Variants in PREP observed in about 807,000 individuals in gnomAD.
PREP encodes prolyl endopeptidase.
A neutral mutation model predicts 87.6 loss-of-function variants in PREP; 29 were observed. The observed-to-expected ratio is 0.33, with a 90% confidence interval of 0.25 to 0.45. The LOEUF is 0.45. Ranked by LOEUF, PREP falls within the 20% of genes least tolerant of loss-of-function variation. The pLI, the probability that PREP is intolerant of heterozygous loss-of-function variation, is 1.00. For synonymous variants in PREP, 337 were observed against 328.6 expected (o/e 1.03, Z -0.28); for missense variants, 695 against 886.5 (o/e 0.78, Z 2.74).
chr6:105,362,553 T>G (rs1043184526), intron 6 of PREP, among the ~76,000 whole-genome samples: 2 of 152,220 alleles, frequency 1.3e-5, no homozygotes, highest in African/African-American at 4.8e-5. Flanking sequence ...AAATCCAACA[T>G]GTCTACTAAA....
chr6:105,308,882 C>T (rs945832909), intron 10 of PREP, among the ~76,000 whole-genome samples: 4 of 151,956 alleles, frequency 2.6e-5, no homozygotes, highest in South Asian at 2.1e-4. Context: ...AATGGAGATA[C>T]GGGTAAGTGA....
chr6:105,281,045 T>G (rs182931852), intron 14 of PREP: 13 of 152,384 alleles, frequency 8.5e-5, no homozygotes, highest in Admixed American at 7.8e-4. Context: ...CTCACAGTTC[T>G]GTAAGCCAGC....
At chr6:105,353,200 A>G in intron 6 of PREP, 123 bp from the exon 7 acceptor site, 1 of 650,120 alleles carries the variant, frequency 1.5e-6, no homozygotes. Context: ...CCCCAAACTC[A>G]TGATCTGATA....
At chr6:105,285,731 G>A (rs1420333098) in intron 11 of PREP, 151 bp from the exon 12 acceptor site, 2 of 626,724 alleles carry the variant, frequency 3.2e-6, no homozygotes, top group African/African-American at 3.7e-5. Context: ...CTTGATTAAA[G>A]TGAAAAACAC....
chr6:105,388,601 A>T (rs1773061828), intron 2 of PREP, among the ~76,000 whole-genome samples: 1 of 152,178 alleles, frequency 6.6e-6, no homozygotes, highest in Non-Finnish European at 1.5e-5. Flanking sequence ...GTGTTCCCTA[A>T]ATACATATTT....
chr6:105,309,112 G>A (rs1308791753), intron 10 of PREP, among the ~76,000 whole-genome samples: 1 of 152,132 alleles, frequency 6.6e-6, no homozygotes, highest in Non-Finnish European at 1.5e-5. Flanking sequence ...CAGGAGATGA[G>A]TGAGGGAGAG....
intron 6 of PREP, among the ~76,000 whole-genome samples, chr6:105,361,079 A>C (rs1772237000): frequency 6.6e-6 from 1 of 152,240 alleles, no homozygotes; most frequent in East Asian, 1.9e-4. Flanking sequence ...ATAAACCTAT[A>C]TTATTAATAT....
rs1373523106 is a variant in PREP at position 105,322,229 on chromosome 6, T to C, written c.1317+1436A>G. 8 of 887,692 alleles carry C rather than the reference T, an allele frequency of 9.0e-6. No individual in the cohort carries two copies. In the East Asian group the frequency reaches 9.6e-4, roughly 107 times the overall value. 55.0% of individuals were successfully genotyped at this position (887,692 alleles called of 1,614,324 possible). On this transcript the variant is annotated intron_variant, in intron 10 of 14. Transcript: ENST00000652536. Reference sequence around the variant, plus strand: ...TCTCCCTCCAGGCAATGGCTCACCATGAAAACAAAATAAGCAGCAGCCAAA... The same window carrying C: ...TCTCCCTCCAGGCAATGGCTCACCACGAAAACAAAATAAGCAGCAGCCAAA...
At chr6:105,342,530 CA>C (rs1562207761) in intron 7 of PREP, among the ~76,000 whole-genome samples, 1 of 152,046 alleles carries the variant, frequency 6.6e-6, no homozygotes. Flanking sequence ...AAGTTCTGGC[CA>C]GGGCAATCAG....
chr6:105,391,034 T>TAC (rs59538588), intron 2 of PREP, among the ~76,000 whole-genome samples: 4,142 of 141,318 alleles, frequency 0.029, 60 homozygotes, highest in East Asian at 0.081. Context: ...TCTGGTTTTA[T>TAC]ACACACACAC....
chr6:105,333,272 T>C (rs757332355), intron 8 of PREP, 42 bp downstream of exon 8: 3 of 1,569,218 alleles, frequency 1.9e-6, no homozygotes, highest in Non-Finnish European at 2.6e-6. Flanking sequence ...GATGTTCTCA[T>C]CAAAAACAAG....
rs141702864 is a variant in PREP, at chr6:105,323,183, CAATT to C, written c.1317+478_1317+481del. On this transcript the variant is annotated intron_variant, in intron 10 of 14. Coordinates refer to ENST00000652536, the MANE Select transcript of PREP (RefSeq NM_002726.5). The stretch of plus-strand genomic sequence containing the variant: ...AAAGACGAAGCTTGTGGTGACATGA[CAATT>C]AATTAATTTATTCATTCAAATGTTT... 879 of 1,150,042 alleles carry C rather than the reference CAATT, an allele frequency of 7.6e-4. 6 individuals are homozygous for C. The African/African-American group carries it at 0.012, about 16-fold the overall frequency. The allele number at this position is 1,150,042 out of a possible 1,614,324, so 71.2% of individuals were successfully genotyped here.
At chr6:105,332,442 C>A (rs536045493) in intron 8 of PREP, among the ~76,000 whole-genome samples, 2 of 152,170 alleles carry the variant, frequency 1.3e-5, no homozygotes, top group African/African-American at 2.4e-5. Context: ...CACGGAAAAA[C>A]ACATTTTAGG....
intron 2 of PREP, among the ~76,000 whole-genome samples, chr6:105,394,618 G>T (rs1376856818): frequency 6.6e-6 from 1 of 152,174 alleles, no homozygotes; most frequent in Admixed American, 6.5e-5. Context: ...AAGGGAACTA[G>T]GTACAAAATA....
chr6:105,276,812 T>TAAC lies in PREP; in HGVS notation c.*1329_*1331dup, dbSNP rs1236351515. ...AAATGGTATGTCTAATTTTTGACCA[T>TAAC]AACTTGAAACGTAGAGAATGAGAGA... is the stretch of plus-strand genomic sequence containing the variant. On this transcript the variant is annotated 3_prime_UTR_variant, in exon 15 of 15. Coordinates refer to ENST00000652536, the MANE Select transcript of PREP (RefSeq NM_002726.5). Among the ~76,000 whole-genome samples, 4 of 152,218 alleles carry TAAC rather than the reference T, an allele frequency of 2.6e-5. No individual in the cohort carries two copies. The highest frequency in any genetic ancestry group is 4.4e-5 in the Non-Finnish European group (3 of 68,030).
chr6:105,293,888 T>C lies in PREP; in HGVS notation c.1318-4994A>G, dbSNP rs4317445. 5.3e-3 allele frequency among the ~76,000 whole-genome samples: 804 copies of C among 152,318 alleles called. 4 individuals carry two copies. Among genetic ancestry groups the C allele is most frequent in the African/African-American group, 0.018 (763 of 41,570 alleles). On this transcript the variant is annotated intron_variant, in intron 10 of 14. Coordinates refer to ENST00000652536, the MANE Select transcript of PREP (RefSeq NM_002726.5). ...TTCAAAACAGCCTAGGCATTTTCCA[T>C]CACGTACTTTCTACTTCTTTGATTT... is the stretch of plus-strand genomic sequence containing the variant.
chr6:105,308,622 T>C (rs535781356), intron 10 of PREP, among the ~76,000 whole-genome samples: 2 of 151,948 alleles, frequency 1.3e-5, no homozygotes, highest in Admixed American at 1.3e-4. Flanking sequence ...CAAATTACCC[T>C]ACCAGAGGAG....
intron 2 of PREP, among the ~76,000 whole-genome samples, chr6:105,379,960 GTT>G (rs2114716571): frequency 6.6e-6 from 1 of 152,340 alleles, no homozygotes; most frequent in South Asian, 2.1e-4. Flanking sequence ...GGCCTGAACT[GTT>G]TGCTACCAGC....
rs138038660 is a variant in PREP at position 105,392,329 on chromosome 6, C to T, written c.120+5524G>A. Among the ~76,000 whole-genome samples, 11 of 152,242 alleles carry T rather than the reference C, an allele frequency of 7.2e-5. No homozygotes were observed. In the East Asian group the frequency reaches 7.8e-4, roughly 11 times the overall value. ...CTGGGATTACAGGCGTGAGCCCCCA[C>T]GCCTGGTCTCAAATCATTTTTAGGG... On this transcript the variant is annotated intron_variant, in intron 2 of 14. Coordinates refer to ENST00000652536, the MANE Select transcript of PREP (RefSeq NM_002726.5).
Sources: gnomAD v4.1 joint callset for allele counts (sites outside exome capture counted in the v4.1 genomes callset) on GRCh38, gnomAD v4.1.1 for gene constraint, MANE v1.5 for transcripts, NCBI Gene and HGNC (gene_info 2026-07-23, HGNC 2026-07-21) for gene names.